Variants in USP36 observed in about 807,000 individuals in gnomAD.
USP36 encodes the protein ubiquitin specific peptidase 36.
A neutral mutation model predicts 111.5 loss-of-function variants in USP36; 59 were observed. That is an observed-to-expected ratio of 0.53 (90% CI 0.43 to 0.66). USP36 has a LOEUF of 0.66. Among genes scored for constraint, USP36 ranks in the 30% least tolerant of loss-of-function variants. The probability of loss-of-function intolerance (pLI) is 0.00; values close to 1 mark genes in which losing one functional copy is unlikely to be tolerated. For synonymous variants in USP36, 628 were observed against 581.0 expected, an observed-to-expected ratio of 1.08 and a Z score of -1.16; for missense variants, 1,488 against 1,468.0, an observed-to-expected ratio of 1.01 and a Z score of -0.22.
rs1026722513 is a variant in USP36 at position 78,821,142 on chromosome 17, G to C, written c.758-81C>G. 7.2e-6 allele frequency: 10 copies of C among 1,388,934 alleles called. No individual in the cohort carries two copies. The African/African-American group carries it at 1.0e-4, about 14-fold the overall frequency. The allele number at this position is 1,388,934 out of a possible 1,614,324, so 86.0% of individuals were successfully genotyped here. On this transcript the variant is annotated intron_variant, in intron 7 of 20. Transcript: ENST00000449938. ...TCCCAAGACCGAGACCCAGCAGGGA[G>C]GCAGACTCTCAGCAGGGCTTTGGCC...
chr17:78,799,570 G>T, intron 18 of USP36, 97 bp downstream of exon 18: 1 of 1,114,196 alleles, frequency 9.0e-7, no homozygotes, highest in Non-Finnish European at 1.3e-6. Flanking sequence ...ATGCCCGCCC[G>T]CCACACTCAC....
chr17:78,812,823 G>C (rs932106590), intron 13 of USP36, 37 bp downstream of exon 13: 3 of 1,608,148 alleles, frequency 1.9e-6, no homozygotes, highest in Middle Eastern at 2.1e-4. Flanking sequence ...GGAGCACCAA[G>C]ACCAGCCACT....
chr17:78,826,688 G>A (rs1458875303), intron 6 of USP36: 1 of 186,792 alleles, frequency 5.4e-6, no homozygotes, highest in African/African-American at 2.3e-5. Flanking sequence ...ATGACACAAA[G>A]ACAATTTGTG....
intron 4 of USP36, among the ~76,000 whole-genome samples, 172 bp from the exon 5 acceptor site, chr17:78,829,179 C>T (rs1241876580): frequency 6.6e-6 from 1 of 152,148 alleles, no homozygotes; most frequent in Non-Finnish European, 1.5e-5. Context: ...TGGGTGACCA[C>T]CAAGGAAATG....
At position 78,803,248 on chromosome 17, in the gene USP36, C is replaced by G; in HGVS notation, c.2810+137G>C. On this transcript the variant is annotated intron_variant, in intron 16 of 20. Transcript: ENST00000449938. The surrounding 1 kb of genome is among the most constrained non-coding windows in gnomAD (Gnocchi z 4.6). ...CACCACACCCAGCCAGAGGAGACATCTGATCACAAATCCACATTTTAGAAA... is the reference window on the plus strand; with the variant it reads ...CACCACACCCAGCCAGAGGAGACATGTGATCACAAATCCACATTTTAGAAA... 2.1e-6 allele frequency: 2 copies of G among 957,340 alleles called. No individual in the cohort carries two copies. Among genetic ancestry groups the G allele is most frequent in the South Asian group, 3.3e-5 (2 of 60,198 alleles). 59.3% of individuals were successfully genotyped at this position (957,340 alleles called of 1,614,324 possible).
At chr17:78,813,452 T>C (rs2094114869) in intron 12 of USP36, among the ~76,000 whole-genome samples, 1 of 152,020 alleles carries the variant, frequency 6.6e-6, no homozygotes, top group Non-Finnish European at 1.5e-5. Context: ...AGGGGCAGCT[T>C]CCCCACACGG....
chr17:78,802,629 AC>A, intron 16 of USP36, 94 bp from the exon 17 acceptor site: 2 of 1,276,198 alleles, frequency 1.6e-6, no homozygotes, highest in Non-Finnish European at 2.1e-6. Flanking sequence ...AGAAGGTGCC[AC>A]CCCAGCTGTG....
chr17:78,795,083 T>C (rs1281290002), downstream of USP36, among the ~76,000 whole-genome samples: 2 of 150,066 alleles, frequency 1.3e-5, no homozygotes, highest in African/African-American at 2.5e-5. The surrounding 1 kb of genome is among the most constrained non-coding windows in gnomAD (Gnocchi z 4.5). Flanking sequence ...TGGTGTCAGA[T>C]CACCACCTCT....
rs3744802 is a variant in USP36 at position 78,797,518 on chromosome 17, G to A, written c.*382C>T. 63,864 of 152,134 alleles carry A rather than the reference G, an allele frequency of 0.42. 16,125 individuals carry two copies. The highest frequency in any genetic ancestry group is 0.56 in the Non-Finnish European group (38,097 of 68,086). The allele number at this position is 152,134 out of a possible 1,614,324, so 9.4% of individuals were successfully genotyped here. A position where few individuals can be genotyped will look rare whatever the true frequency, so the allele number is the denominator to read the frequency against. ...AGCTATGCACCGGGAGACCACCTGG[G>A]GGACATGTGGCCACCATCCCCCACT... On this transcript the variant is annotated 3_prime_UTR_variant, in exon 21 of 21. Coordinates refer to ENST00000449938, the MANE Select transcript of USP36 (RefSeq NM_001385174.1).
rs1282045577 is a variant in USP36, at chr17:78,799,674, C to G, written c.3117G>C (p.Gly1039=). The part of the protein sequence containing the change: ...LLKYSSDKAY[G]RKVLTWDGKM... ...CTGTCTCCAAATCAGTACCTTTTCT[C>G]CCGTAAGCTTTATCAGATGAGTATT... Residue 1039 remains glycine, a synonymous_variant, in exon 18 of 21, where the codon GGG becomes GGC. Transcript: ENST00000449938. The G allele has an allele frequency of 6.2e-7, 1 of 1,612,190 alleles. No individual in the cohort carries two copies. Among genetic ancestry groups the G allele is most frequent in the African/African-American group, 1.3e-5 (1 of 74,794 alleles).
chr17:78,801,559 G>A (rs2144975939), intron 17 of USP36, among the ~76,000 whole-genome samples: 1 of 152,104 alleles, frequency 6.6e-6, no homozygotes, highest in Admixed American at 6.5e-5. Flanking sequence ...TGTGGCGGGT[G>A]CCTGCCAAGG....
intron 4 of USP36, among the ~76,000 whole-genome samples, chr17:78,831,162 G>C (rs2068053689): frequency 6.9e-6 from 1 of 144,066 alleles, no homozygotes; most frequent in Non-Finnish European, 1.5e-5. Context: ...GGAGGCGGAG[G>C]TTGCAGTGAG....
intron 13 of USP36, among the ~76,000 whole-genome samples, chr17:78,808,126 C>T (rs2093958399): frequency 6.6e-6 from 1 of 152,224 alleles, no homozygotes; most frequent in African/African-American, 2.4e-5. Flanking sequence ...CATAACCATG[C>T]ATTAACATTC....
chr17:78,816,097 T>C (rs2094181501), intron 10 of USP36, among the ~76,000 whole-genome samples: 1 of 152,050 alleles, frequency 6.6e-6, no homozygotes, highest in Non-Finnish European at 1.5e-5. Flanking sequence ...CATGACAGGA[T>C]TGCCATTATT....
rs141616643 is a variant in USP36, at chr17:78,827,310, G to A, written c.624C>T (p.Asp208=). 143 of 1,613,498 alleles carry A rather than the reference G, an allele frequency of 8.9e-5. No homozygotes were observed. The highest frequency in any genetic ancestry group is 1.1e-4 in the Non-Finnish European group (126 of 1,179,638). The part of the protein sequence containing the change: ...ARHFRFGNQE[D]AHEFLRYTID... ...TGGTGTACCGCAGGAACTCATGCGC[G>A]TCCTCCTGGTTCCCAAAGCGGAAGT... is the stretch of plus-strand genomic sequence containing the variant. The change falls in exon 6 of 21, where the codon GAC becomes GAT. Residue 208 remains aspartate (D), a synonymous_variant. Transcript: ENST00000449938.
rs764443005 is a variant in USP36 at position 78,803,049 on chromosome 17, C to T, written c.2810+336G>A. Among the ~76,000 whole-genome samples, 1 of 152,126 alleles carries T rather than the reference C, an allele frequency of 6.6e-6. No individual in the cohort carries two copies. Among genetic ancestry groups the T allele is most frequent in the Non-Finnish European group, 1.5e-5 (1 of 68,032 alleles). The stretch of plus-strand genomic sequence containing the variant: ...CACCTCCTGGGCTCAAACCATCCTC[C>T]CACCTCAGCCTCCTGAGTAGCTGGG... On this transcript the variant is annotated intron_variant, in intron 16 of 20. Coordinates refer to ENST00000449938, the MANE Select transcript of USP36 (RefSeq NM_001385174.1). This position sits in a 1 kb window ranked among gnomAD's most constrained non-coding sequence, Gnocchi z 4.6.
chr17:78,802,506 T>C lies in USP36; in HGVS notation c.2840A>G (p.Glu947Gly), dbSNP rs1440604569. 6.2e-7 allele frequency: 1 copy of C among 1,607,606 alleles called. No homozygotes were observed. The highest frequency in any genetic ancestry group is 8.5e-7 in the Non-Finnish European group (1 of 1,179,868). Residue 947 changes from glutamate to glycine, a missense_variant, in exon 17 of 21, where the codon GAG becomes GGG. By Grantham distance (98) the Glu-to-Gly change is moderately conservative (BLOSUM62 -2). This residue lies in a region of USP36 where 1,073 missense variants were observed against 994.1 expected (regional missense o/e 1.08). Coordinates refer to ENST00000449938, the MANE Select transcript of USP36 (RefSeq NM_001385174.1). ...SCSPMGDGDP[E>G]AMEESPRKKK... ...TTTCCTTGGAGACTCTTCCATGGCC[T>C]CTGGATCACCATCACCCATGGGAGA...
chr17:78,802,295 C>T (rs374191326), intron 17 of USP36, 29 bp downstream of exon 17: 23 of 1,526,328 alleles, frequency 1.5e-5, no homozygotes, highest in African/African-American at 2.8e-5. Flanking sequence ...CACACCCATG[C>T]GGTTCCCACC....
chr17:78,790,866 T>C (rs916767107), downstream of USP36, among the ~76,000 whole-genome samples: 2 of 152,190 alleles, frequency 1.3e-5, no homozygotes, highest in African/African-American at 4.8e-5. Context: ...AGTGGCAATC[T>C]TGTGACCTGT....
Sources: allele counts gnomAD v4.1 joint callset (sites outside exome capture counted in the v4.1 genomes callset), GRCh38; gene constraint gnomAD v4.1.1; regional missense constraint gnomAD v4.1.1; non-coding constraint Gnocchi (gnomAD v3.1); transcripts MANE v1.5; gene names NCBI Gene and HGNC (gene_info 2026-07-23, HGNC 2026-07-21).